Variants in TMEM182 observed in about 807,000 individuals in gnomAD.
The protein encoded by TMEM182 is transmembrane protein 182.
A neutral mutation model predicts 26.8 loss-of-function variants in TMEM182; 20 were observed. The observed-to-expected ratio is 0.75, with a 90% confidence interval of 0.53 to 1.09. The LOEUF is 1.09. Among genes scored for constraint, TMEM182 ranks in the 50% least tolerant of loss-of-function variants. TMEM182 has a pLI of 0.00. For missense variants in TMEM182, 277 were observed against 275.5 expected, an observed-to-expected ratio of 1.01 and a Z score of -0.04; for synonymous variants, 109 against 102.2, an observed-to-expected ratio of 1.07 and a Z score of -0.40.
At chr2:102,841,309 C>G (rs972691704) in intron 3 of TMEM182, among the ~76,000 whole-genome samples, 3 of 152,154 alleles carry the variant, frequency 2.0e-5, no homozygotes, top group African/African-American at 7.2e-5. Flanking sequence ...ATACACCAAC[C>G]GTGCAGAAGC....
intron 1 of TMEM182, among the ~76,000 whole-genome samples, chr2:102,753,271 A>G (rs1380740490): frequency 6.6e-6 from 1 of 151,906 alleles, no homozygotes; most frequent in Non-Finnish European, 1.5e-5. Flanking sequence ...GGCTGGAGCT[A>G]CATAGCAAAC....
At chr2:102,764,073 G>T (rs1192720034) in intron 2 of TMEM182, among the ~76,000 whole-genome samples, 2 of 152,120 alleles carry the variant, frequency 1.3e-5, no homozygotes, top group African/African-American at 4.8e-5. Context: ...GTGATATAAA[G>T]GGCATTTGCA....
chr2:102,831,172 T>G, intron 3 of TMEM182, among the ~76,000 whole-genome samples: 1 of 152,112 alleles, frequency 6.6e-6, no homozygotes, highest in Non-Finnish European at 1.5e-5. Flanking sequence ...AACATAGGAG[T>G]GCAGATGTCT....
intron 3 of TMEM182, among the ~76,000 whole-genome samples, chr2:102,768,584 C>T (rs908615380): frequency 4.0e-5 from 6 of 151,666 alleles, no homozygotes; most frequent in African/African-American, 1.5e-4. Context: ...ATCTGCAATC[C>T]CAACTACTCA....
In TMEM182 at chr2:102,817,144, A is replaced by T. The variant is rs757576731; in HGVS notation, c.*2176A>T. On this transcript the variant is annotated 3_prime_UTR_variant, in exon 5 of 5. Coordinates refer to ENST00000412401, the MANE Select transcript of TMEM182 (RefSeq NM_144632.5). ...TGTGATTGCTATGTCAATGAGTGAAATATACTTAAAAATGGCAGAGTTATA... is the reference window on the plus strand; with the variant it reads ...TGTGATTGCTATGTCAATGAGTGAATTATACTTAAAAATGGCAGAGTTATA... 1.0e-6 allele frequency: 1 copy of T among 985,272 alleles called. No homozygotes were observed. Among genetic ancestry groups the T allele is most frequent in the African/African-American group, 1.7e-5 (1 of 57,246 alleles). The allele number at this position is 985,272 out of a possible 1,614,324, so 61.0% of individuals were successfully genotyped here.
intron 1 of TMEM182, among the ~76,000 whole-genome samples, chr2:102,754,030 T>C (rs769227592): frequency 2.0e-5 from 3 of 152,174 alleles, no homozygotes; most frequent in African/African-American, 7.2e-5. Context: ...AATCACAAAC[T>C]GTAATACAAA....
intron 3 of TMEM182, among the ~76,000 whole-genome samples, chr2:102,771,286 C>T (rs191264612): frequency 2.6e-5 from 4 of 152,314 alleles, no homozygotes; most frequent in Admixed American, 2.6e-4. Context: ...ACAGCCATCA[C>T]CACAGACACA....
intron 3 of TMEM182, among the ~76,000 whole-genome samples, chr2:102,823,315 T>G (rs1348774400): frequency 6.6e-6 from 1 of 152,162 alleles, no homozygotes; most frequent in Non-Finnish European, 1.5e-5. Flanking sequence ...AACACTAGAT[T>G]CAAGAGTTCT....
intron 3 of TMEM182, among the ~76,000 whole-genome samples, chr2:102,796,847 A>C (rs998634099): frequency 6.6e-6 from 1 of 152,304 alleles, no homozygotes; most frequent in Non-Finnish European, 1.5e-5. Context: ...GTTGATTGAT[A>C]GATTTCTTCT....
chr2:102,816,653 C>T lies in TMEM182; in HGVS notation c.*1685C>T. 1.0e-6 allele frequency: 1 copy of T among 985,514 alleles called. No individual in the cohort carries two copies. Among genetic ancestry groups the T allele is most frequent in the Non-Finnish European group, 1.2e-6 (1 of 829,834 alleles). 61.0% of individuals were successfully genotyped at this position (985,514 alleles called of 1,614,324 possible). On this transcript the variant is annotated 3_prime_UTR_variant, in exon 5 of 5. Coordinates refer to ENST00000412401, the MANE Select transcript of TMEM182 (RefSeq NM_144632.5). ...TCACTGTTTCATTTTTATATTGCTT[C>T]ATTTACTTCTTTGCTTTTGGCTTTG...
intron 3 of TMEM182, among the ~76,000 whole-genome samples, chr2:102,787,991 C>G (rs929529735): frequency 6.6e-6 from 1 of 152,154 alleles, no homozygotes; most frequent in African/African-American, 2.4e-5. Flanking sequence ...AGGAGTCTTA[C>G]CTTTCTTAAT....
At chr2:102,739,875 C>T (rs776236860) in intron 1 of TMEM182, among the ~76,000 whole-genome samples, 14 of 152,084 alleles carry the variant, frequency 9.2e-5, no homozygotes, top group South Asian at 4.1e-4. Context: ...TTATGCTGCT[C>T]GCTGTGTCAT....
intron 3 of TMEM182, among the ~76,000 whole-genome samples, chr2:102,784,189 A>G (rs567397502): frequency 1.2e-4 from 19 of 152,168 alleles, no homozygotes; most frequent in Non-Finnish European, 2.5e-4. Context: ...AAATTTATCT[A>G]TAAGGTCCCT....
intron 4 of TMEM182, among the ~76,000 whole-genome samples, chr2:102,811,242 A>T (rs1682547658): frequency 6.6e-6 from 1 of 152,014 alleles, no homozygotes; most frequent in African/African-American, 2.4e-5. Context: ...TTCTTTAATG[A>T]TTGAGTTTAG....
At chr2:102,787,857 G>C (rs1681462547) in intron 3 of TMEM182, among the ~76,000 whole-genome samples, 1 of 152,070 alleles carries the variant, frequency 6.6e-6, no homozygotes, top group Non-Finnish European at 1.5e-5. Flanking sequence ...TAACCTCTCT[G>C]AGCCTCATCT....
At chr2:102,778,276 C>T (rs1451095639) in intron 3 of TMEM182, among the ~76,000 whole-genome samples, 1 of 151,752 alleles carries the variant, frequency 6.6e-6, no homozygotes, top group African/African-American at 2.4e-5. Flanking sequence ...TAGTAGTTTT[C>T]TTTGTGGTGA....
chr2:102,825,928 G>A (rs745418789), intron 3 of TMEM182, among the ~76,000 whole-genome samples: 2 of 152,122 alleles, frequency 1.3e-5, no homozygotes, highest in Non-Finnish European at 2.9e-5. Context: ...GATACCAACT[G>A]GTTTCTTCCT....
At chr2:102,807,434 A>G (rs920771624) in intron 4 of TMEM182, among the ~76,000 whole-genome samples, 2 of 152,260 alleles carry the variant, frequency 1.3e-5, no homozygotes. Context: ...AATCTGAAGC[A>G]TAATTTTATG....
rs1013122486 is a variant in TMEM182, at chr2:102,816,550, G to C, written c.*1582G>C. Reference sequence around the variant, plus strand: ...TAATAATAATAATAATAATAATAAAGCTCCAGAGGCCTAACTGGTTTCTCA... The same window carrying C: ...TAATAATAATAATAATAATAATAAACCTCCAGAGGCCTAACTGGTTTCTCA... On this transcript the variant is annotated 3_prime_UTR_variant, in exon 5 of 5. Transcript: ENST00000412401. 28 of 815,710 alleles carry C rather than the reference G, an allele frequency of 3.4e-5. No individual in the cohort carries two copies. The East Asian group carries it at 2.5e-3, about 73-fold the overall frequency. 50.5% of individuals were successfully genotyped at this position (815,710 alleles called of 1,614,324 possible). A position where few individuals can be genotyped will look rare whatever the true frequency, so the allele number is the denominator to read the frequency against.
Sources: allele counts gnomAD v4.1 joint callset (sites outside exome capture counted in the v4.1 genomes callset), GRCh38; gene constraint gnomAD v4.1.1; transcripts MANE v1.5; gene names NCBI Gene and HGNC (gene_info 2026-07-23, HGNC 2026-07-21).